Variants in GRIN3A observed in about 807,000 individuals in gnomAD.
The protein encoded by GRIN3A is glutamate ionotropic receptor NMDA type subunit 3A.
GRIN3A carries 47 observed loss-of-function variants against 92.4 expected under a neutral mutation model. The observed-to-expected ratio is 0.51, with a 90% CI of 0.40 to 0.65. The LOEUF is 0.65. GRIN3A is among the 30% of genes least tolerant of loss of function. The pLI is 0.00. For synonymous variants in GRIN3A, 527 were observed against 540.6 expected, an observed-to-expected ratio of 0.97 and a Z score of 0.35; for missense variants, 1,324 against 1,393.1, an observed-to-expected ratio of 0.95 and a Z score of 0.79.
In GRIN3A at chr9:101,573,507, A is replaced by G. The variant is rs769751124; in HGVS notation, c.3015T>C (p.Asn1005=). Residue 1005 remains asparagine, a synonymous_variant, in exon 9 of 9, where the codon AAT becomes AAC. Coordinates refer to ENST00000361820, the MANE Select transcript of GRIN3A (RefSeq NM_133445.3). Reference sequence around the variant, plus strand: ...ATACGGTAAGCTGACGGGGTCCCACATTAGACCTAGGAAACAGAGAAATTT... The same window carrying G: ...ATACGGTAAGCTGACGGGGTCCCACGTTAGACCTAGGAAACAGAGAAATTT... The part of the protein sequence containing the change: ...FKTKRVEKRS[N]VGPRQLTVWN... The G allele has an allele frequency of 4.3e-6, 7 of 1,613,232 alleles. No individual in the cohort carries two copies. The highest frequency in any genetic ancestry group is 1.3e-5 in the African/African-American group (1 of 74,998).
chr9:101,635,947 C>G (rs1036097117), intron 3 of GRIN3A, among the ~76,000 whole-genome samples: 1 of 152,134 alleles, frequency 6.6e-6, no homozygotes, highest in Admixed American at 6.6e-5. Flanking sequence ...CTGGAGTGCA[C>G]GATCTCAGCT....
chr9:101,643,517 A>G (rs1828893998), intron 3 of GRIN3A, among the ~76,000 whole-genome samples: 1 of 151,560 alleles, frequency 6.6e-6, no homozygotes, highest in Non-Finnish European at 1.5e-5. Context: ...TAAAAATAGA[A>G]CTGCTATATG....
intron 5 of GRIN3A, among the ~76,000 whole-genome samples, chr9:101,615,622 T>C (rs971463652): frequency 6.6e-6 from 1 of 152,142 alleles, no homozygotes; most frequent in African/African-American, 2.4e-5. Context: ...CCCAAATTGC[T>C]GGGATTACAG....
chr9:101,673,828 A>T (rs1160938629), intron 2 of GRIN3A, among the ~76,000 whole-genome samples: 2 of 152,094 alleles, frequency 1.3e-5, no homozygotes, highest in African/African-American at 4.8e-5. Context: ...GGTCTCAAGG[A>T]GCTCAAGAAG....
intron 5 of GRIN3A, among the ~76,000 whole-genome samples, chr9:101,619,977 C>T (rs10120502): frequency 0.52 from 79,119 of 151,754 alleles, 20,896 homozygotes; most frequent in African/African-American, 0.62. Flanking sequence ...CTATATACTG[C>T]GTACCGATGA....
rs1415314419 is a variant in GRIN3A at position 101,738,111 on chromosome 9, T to C, written c.-132A>G. 3.7e-6 allele frequency: 3 copies of C among 813,318 alleles called. No homozygotes were observed. Among genetic ancestry groups the C allele is most frequent in the Non-Finnish European group, 6.1e-6 (3 of 490,074 alleles). The allele number at this position is 813,318 out of a possible 1,614,324, so 50.4% of individuals were successfully genotyped here. ...CACTCGGTGAAGCGGTCCCAGGAGC[T>C]GGAGCGGTCTCTAGGCCATGCAAGT... On this transcript the variant is annotated 5_prime_UTR_variant, in exon 1 of 9. Coordinates refer to ENST00000361820, the MANE Select transcript of GRIN3A (RefSeq NM_133445.3).
intron 2 of GRIN3A, 34 bp downstream of exon 2, chr9:101,686,562 T>C (rs1305992211): frequency 1.2e-6 from 2 of 1,613,312 alleles, no homozygotes; most frequent in Admixed American, 1.7e-5. Flanking sequence ...CATGGCCCTA[T>C]GAATGGGGAT....
chr9:101,709,647 A>T (rs1370085641), intron 1 of GRIN3A, among the ~76,000 whole-genome samples: 1 of 152,216 alleles, frequency 6.6e-6, no homozygotes, highest in Non-Finnish European at 1.5e-5. Context: ...GTTCATTTGT[A>T]ATTTGGGAGA....
At chr9:101,656,245 T>A (rs963586420) in intron 3 of GRIN3A, among the ~76,000 whole-genome samples, 1 of 151,822 alleles carries the variant, frequency 6.6e-6, no homozygotes, top group Non-Finnish European at 1.5e-5. Flanking sequence ...GTGGGAGAAT[T>A]CTGGGTGAAC....
chr9:101,648,210 C>A (rs12343751), intron 3 of GRIN3A, among the ~76,000 whole-genome samples: 12,751 of 151,900 alleles, frequency 0.084, 766 homozygotes, highest in East Asian at 0.22. Context: ...TTTTTAATTT[C>A]TTTATTGACT....
intron 3 of GRIN3A, among the ~76,000 whole-genome samples, chr9:101,635,466 C>T (rs183588047): frequency 5.1e-4 from 77 of 152,288 alleles, no homozygotes; most frequent in Non-Finnish European, 8.7e-4. Flanking sequence ...GTTTGCTGTC[C>T]CCTGATATAG....
At chr9:101,620,758 T>G (rs370997563) in intron 5 of GRIN3A, among the ~76,000 whole-genome samples, 20 of 152,098 alleles carry the variant, frequency 1.3e-4, no homozygotes, top group African/African-American at 4.8e-4. Flanking sequence ...GACCAAGTAT[T>G]GCTCATACAC....
At chr9:101,652,194 T>G (rs1829023484) in intron 3 of GRIN3A, among the ~76,000 whole-genome samples, 1 of 152,146 alleles carries the variant, frequency 6.6e-6, no homozygotes. Context: ...TAAGTAACTT[T>G]CCCAGGGTCA....
chr9:101,668,178 C>T (rs778189223), intron 3 of GRIN3A, among the ~76,000 whole-genome samples: 20 of 151,990 alleles, frequency 1.3e-4, no homozygotes, highest in Non-Finnish European at 2.1e-4. Flanking sequence ...TTCACTGCTG[C>T]GTATAGCTTG....
chr9:101,726,388 T>C (rs1378306328), intron 1 of GRIN3A, among the ~76,000 whole-genome samples: 3 of 152,150 alleles, frequency 2.0e-5, no homozygotes, highest in Non-Finnish European at 4.4e-5. Flanking sequence ...AGAAGAGCCA[T>C]TGGGCCCCAG....
chr9:101,628,530 G>T (rs1828668099), intron 3 of GRIN3A, 129 bp from the exon 4 acceptor site: 1 of 866,324 alleles, frequency 1.2e-6, no homozygotes, highest in Non-Finnish European at 1.8e-6. Context: ...GCAGAAACAT[G>T]TACATAGAAA....
At chr9:101,600,724 A>C (rs1409241247) in intron 6 of GRIN3A, 1 of 152,300 alleles carries the variant, frequency 6.6e-6, no homozygotes, top group African/African-American at 2.4e-5. Context: ...TGGAGTAGGG[A>C]GGTCAAGGGA....
intron 6 of GRIN3A, among the ~76,000 whole-genome samples, chr9:101,604,002 G>A (rs1372583245): frequency 6.6e-6 from 1 of 152,216 alleles, no homozygotes; most frequent in Non-Finnish European, 1.5e-5. Flanking sequence ...CTGTGGCGGT[G>A]TGGAATTGGG....
chr9:101,622,166 A>T (rs901633950), intron 5 of GRIN3A, among the ~76,000 whole-genome samples: 1 of 152,224 alleles, frequency 6.6e-6, no homozygotes, highest in Non-Finnish European at 1.5e-5. Flanking sequence ...CTCATTTATC[A>T]TGAAAACAAA....
Sources: gnomAD v4.1 joint callset for allele counts (sites outside exome capture counted in the v4.1 genomes callset) on GRCh38, gnomAD v4.1.1 for gene constraint, MANE v1.5 for transcripts, NCBI Gene and HGNC (gene_info 2026-07-23, HGNC 2026-07-21) for gene names.